The following SLC39A11 variants were observed in gnomAD, a reference collection of about 807,000 sequenced individuals.
SLC39A11 encodes solute carrier family 39 member 11.
In SLC39A11, 33 loss-of-function variants were observed where a neutral mutation model predicts 36.1. The ratio of observed to expected loss-of-function variants is 0.91; its 90% CI spans 0.69 to 1.22. The LOEUF (loss-of-function observed/expected upper bound fraction) is 1.22. Among genes scored for constraint, SLC39A11 ranks in the 50% most tolerant of loss-of-function variants. SLC39A11 has a pLI of 0.00. For synonymous variants in SLC39A11, 166 were observed against 170.3 expected (o/e 0.97, Z 0.20); for missense variants, 432 against 430.3 (o/e 1.00, Z -0.03).
At chr17:72,815,757 A>G (rs2077561682) in intron 6 of SLC39A11, among the ~76,000 whole-genome samples, 1 of 152,192 alleles carries the variant, frequency 6.6e-6, no homozygotes, top group South Asian at 2.1e-4. Context: ...CCCTGCCTCT[A>G]CTAAAAATAC....
intron 6 of SLC39A11, among the ~76,000 whole-genome samples, chr17:72,797,894 T>C (rs1467061209): frequency 6.6e-6 from 1 of 152,144 alleles, no homozygotes; most frequent in Non-Finnish European, 1.5e-5. Flanking sequence ...GGAGTTTGCA[T>C]CTAGCATCTG....
chr17:73,053,463 T>C (rs1484247686), intron 3 of SLC39A11, among the ~76,000 whole-genome samples: 1 of 152,206 alleles, frequency 6.6e-6, no homozygotes, highest in East Asian at 1.9e-4. Flanking sequence ...ATATGAATAG[T>C]CATCAACATG....
chr17:72,992,113 AG>A (rs2148303995), intron 4 of SLC39A11, among the ~76,000 whole-genome samples: 1 of 152,280 alleles, frequency 6.6e-6, no homozygotes, highest in South Asian at 2.1e-4. Context: ...GCACTTTGGG[AG>A]GCTGAGGCAG....
At chr17:72,931,755 TG>T (rs2084412554) in intron 5 of SLC39A11, among the ~76,000 whole-genome samples, 1 of 152,190 alleles carries the variant, frequency 6.6e-6, no homozygotes, top group Non-Finnish European at 1.5e-5. Context: ...CAACTCTGCT[TG>T]AATCCTTTCA....
At chr17:72,666,473 G>A (rs952825252) in intron 7 of SLC39A11, among the ~76,000 whole-genome samples, 5 of 152,198 alleles carry the variant, frequency 3.3e-5, no homozygotes, top group Non-Finnish European at 7.3e-5. Flanking sequence ...ATGCTTTGCC[G>A]CTGAATAACA....
intron 3 of SLC39A11, among the ~76,000 whole-genome samples, chr17:73,075,571 G>C (rs1359942971): frequency 2.0e-5 from 3 of 152,232 alleles, no homozygotes; most frequent in Non-Finnish European, 4.4e-5. Context: ...CTGGATATGA[G>C]GCCGGGCGCA....
At chr17:72,964,802 CG>C (rs1179855394) in intron 4 of SLC39A11, among the ~76,000 whole-genome samples, 28 of 152,272 alleles carry the variant, frequency 1.8e-4, no homozygotes, top group Non-Finnish European at 3.5e-4. Flanking sequence ...CACATGCACA[CG>C]TATGTTTATT....
intron 7 of SLC39A11, among the ~76,000 whole-genome samples, chr17:72,732,040 CTTTTTTTTTTTTTTTTTTTTTTTTTT>C (rs1187424574): frequency 5.9e-5 from 2 of 33,656 alleles, no homozygotes; most frequent in Non-Finnish European, 1.1e-4. Context: ...CTTTTCTTTT[CTTTTTTTTTTTTTTTTTTTTTTTTTT>C]GAGACAGAGT....
chr17:72,666,586 C>T (rs978609728), intron 7 of SLC39A11, among the ~76,000 whole-genome samples: 1 of 152,196 alleles, frequency 6.6e-6, no homozygotes, highest in African/African-American at 2.4e-5. Context: ...CCCCACTGCC[C>T]CCTTGTTTAG....
chr17:72,847,477 G>C (rs1318236680), intron 6 of SLC39A11, among the ~76,000 whole-genome samples: 1 of 151,904 alleles, frequency 6.6e-6, no homozygotes, highest in Admixed American at 6.6e-5. Flanking sequence ...AGGGTCAAGA[G>C]GGGAATGAGG....
chr17:72,880,336 A>G (rs921067449), intron 5 of SLC39A11, among the ~76,000 whole-genome samples: 1 of 152,160 alleles, frequency 6.6e-6, no homozygotes, highest in Admixed American at 6.5e-5. Context: ...TGGGAGGTTG[A>G]GGCAGATGGA....
intron 5 of SLC39A11, among the ~76,000 whole-genome samples, chr17:72,944,073 G>A (rs190118371): frequency 3.9e-4 from 60 of 152,230 alleles, no homozygotes; most frequent in African/African-American, 1.3e-3. Flanking sequence ...TCACCTCATT[G>A]CAAGATCCAA....
chr17:72,994,234 A>G (rs941267946), intron 4 of SLC39A11, among the ~76,000 whole-genome samples: 11 of 152,236 alleles, frequency 7.2e-5, no homozygotes, highest in East Asian at 1.9e-4. Flanking sequence ...GGAGCATTGT[A>G]TAACAGTCAA....
At position 72,955,559 on chromosome 17, in the gene SLC39A11, G is replaced by A. The variant is rs375618129; in HGVS notation, c.307-7684C>T. ...CCTGACCTCAAGTGATCCATCCTCC[G>A]CAGCCTTCCAAAGTGCTGGGATTAC... On this transcript the variant is annotated intron_variant, in intron 4 of 9. Coordinates refer to ENST00000255559, the MANE Select transcript of SLC39A11 (RefSeq NM_139177.4). Among the ~76,000 whole-genome samples the A allele has an allele frequency of 6.2e-5, 9 of 146,140 alleles. No individual in the cohort carries two copies. The South Asian group carries it at 6.6e-4, about 11-fold the overall frequency.
chr17:72,897,447 T>C (rs114858799), intron 5 of SLC39A11, among the ~76,000 whole-genome samples: 1,630 of 152,304 alleles, frequency 0.011, 32 homozygotes, highest in African/African-American at 0.037. Context: ...AGAACTTTTC[T>C]ATTATTACAG....
chr17:72,782,907 C>G (rs1598717107), intron 6 of SLC39A11, among the ~76,000 whole-genome samples: 1 of 144,662 alleles, frequency 6.9e-6, no homozygotes, highest in East Asian at 2.0e-4. Flanking sequence ...GAGGCTGAGG[C>G]AAGAGACTCA....
At position 72,738,578 on chromosome 17, in the gene SLC39A11, T is replaced by G. The variant is rs529869338; in HGVS notation, c.602-1859A>C. On this transcript the variant is annotated intron_variant, in intron 6 of 9. Transcript: ENST00000255559. ...CGAGGGTCATGGAAGGAAATGGACCTGATCCAGTGGCCACGGACCAAAGGA... is the reference window on the plus strand; with the variant it reads ...CGAGGGTCATGGAAGGAAATGGACCGGATCCAGTGGCCACGGACCAAAGGA... Among the ~76,000 whole-genome samples, 13 of 152,282 alleles carry G rather than the reference T, an allele frequency of 8.5e-5. No individual in the cohort carries two copies. In the East Asian group the frequency reaches 2.5e-3, roughly 29 times the overall value.
intron 7 of SLC39A11, among the ~76,000 whole-genome samples, chr17:72,722,024 T>C (rs139800137): frequency 8.9e-4 from 134 of 150,608 alleles, no homozygotes; most frequent in African/African-American, 3.0e-3. Flanking sequence ...AAAAAATTAT[T>C]TTTCTCTCGG....
At chr17:72,880,212 C>T (rs549628240) in intron 5 of SLC39A11, among the ~76,000 whole-genome samples, 5 of 152,236 alleles carry the variant, frequency 3.3e-5, no homozygotes, top group African/African-American at 2.4e-5. Context: ...TCATCCATCA[C>T]GATGTGGGGA....
Sources: allele counts gnomAD v4.1 joint callset (sites outside exome capture counted in the v4.1 genomes callset), GRCh38; gene constraint gnomAD v4.1.1; transcripts MANE v1.5; gene names NCBI Gene and HGNC (gene_info 2026-07-23, HGNC 2026-07-21).